PDZRN3: variants seen among roughly 807,000 people sequenced by gnomAD.
The protein encoded by PDZRN3 is E3 ubiquitin-protein ligase PDZRN3.
In PDZRN3, 38 loss-of-function variants were observed where a neutral mutation model predicts 85.7. The ratio of observed to expected loss-of-function variants is 0.44; its 90% CI spans 0.34 to 0.58. The LOEUF (loss-of-function observed/expected upper bound fraction) is 0.58. PDZRN3 is among the 20% of genes least tolerant of loss of function. The probability of loss-of-function intolerance (pLI) is 0.01; values close to 1 mark genes in which losing one functional copy is unlikely to be tolerated. For missense variants in PDZRN3, 1,629 were observed against 1,506.4 expected (o/e 1.08, Z -1.35); for synonymous variants, 759 against 638.0 (o/e 1.19, Z -2.86).
intron 3 of PDZRN3, among the ~76,000 whole-genome samples, chr3:73,559,117 T>C (rs968020857): frequency 2.0e-5 from 3 of 152,000 alleles, no homozygotes; most frequent in African/African-American, 7.3e-5. Context: ...TAACCACAAT[T>C]AGTGGGATGG....
intron 3 of PDZRN3, among the ~76,000 whole-genome samples, chr3:73,550,406 G>A (rs765931495): frequency 6.6e-6 from 1 of 152,122 alleles, no homozygotes; most frequent in Non-Finnish European, 1.5e-5. Flanking sequence ...TCACCTGGAG[G>A]GTTGTTTTTA....
At chr3:73,487,620 ACTTT>A (rs1348291790) in intron 3 of PDZRN3, among the ~76,000 whole-genome samples, 2 of 152,300 alleles carry the variant, frequency 1.3e-5, no homozygotes, top group African/African-American at 4.8e-5. Context: ...GCTAAAACTT[ACTTT>A]CTTTTTTTTC....
intron 3 of PDZRN3, among the ~76,000 whole-genome samples, chr3:73,590,284 A>G (rs1299716369): frequency 1.3e-5 from 2 of 151,424 alleles, no homozygotes; most frequent in Non-Finnish European, 2.9e-5. Flanking sequence ...AAAAAAAAAA[A>G]AAGAAAGAGA....
Position 73,384,453 on chromosome 3 carries a change from C to A in PDZRN3, c.2113G>T (p.Ala705Ser). Reference protein sequence around the residue: ...IELECLSIVRAHKMQQLKEQY... With the variant: ...IELECLSIVRSHKMQQLKEQY... ...TCCTTGAGCTGCTGCATCTTGTGGG[C>A]GCGCACGATGCTCAGGCACTCCAGC... The change falls in exon 10 of 10, where the codon GCC becomes TCC. Residue 705 changes from alanine to serine, a missense_variant. Physicochemically the swap from Ala to Ser is moderately conservative, Grantham distance 99. Transcript: ENST00000263666. 1 of 1,612,348 alleles carries A rather than the reference C, an allele frequency of 6.2e-7. No individual in the cohort carries two copies.
chr3:73,474,646 G>A, intron 3 of PDZRN3: 1 of 1,179,384 alleles, frequency 8.5e-7, no homozygotes, highest in Non-Finnish European at 1.1e-6. Context: ...GTTGTGGCAA[G>A]GGTGTACACT....
In PDZRN3 at chr3:73,383,525, T is replaced by C. The variant is rs1703302657; in HGVS notation, c.3041A>G (p.Glu1014Gly). Residue 1014 changes from glutamate to glycine, a missense_variant, in exon 10 of 10, where the codon GAG becomes GGG. Coordinates refer to ENST00000263666, the MANE Select transcript of PDZRN3 (RefSeq NM_015009.3). ...GTGGCTCAGTTCGAGAATGTTCATC[T>C]CCTTCCTGTCATCGGCTGCTTGCTG... ...KEQQAADDRK[E>G]MNILELSHKK... The C allele has an allele frequency of 3.1e-6, 5 of 1,614,094 alleles. No homozygotes were observed. Among genetic ancestry groups the C allele is most frequent in the Non-Finnish European group, 4.2e-6 (5 of 1,180,040 alleles).
At chr3:73,505,135 C>T (rs34210879) in intron 3 of PDZRN3, among the ~76,000 whole-genome samples, 38,906 of 151,992 alleles carry the variant, frequency 0.26, 5,304 homozygotes, top group Middle Eastern at 0.35. Context: ...TATGAGATTA[C>T]GAAGCTGAAG....
At chr3:73,566,458 C>G (rs573597784) in intron 3 of PDZRN3, among the ~76,000 whole-genome samples, 1 of 152,202 alleles carries the variant, frequency 6.6e-6, no homozygotes, top group African/African-American at 2.4e-5. Context: ...AACTCTGCAA[C>G]AAAAGAACCA....
chr3:73,428,256 G>A (rs1016108523), intron 3 of PDZRN3, among the ~76,000 whole-genome samples: 6 of 152,142 alleles, frequency 3.9e-5, no homozygotes, highest in Non-Finnish European at 8.8e-5. Context: ...TTGGTGGGTC[G>A]GGTGAACGTG....
At position 73,624,502 on chromosome 3, in the gene PDZRN3, C is replaced by T; in HGVS notation, c.324G>A (p.Ala108=). The stretch of plus-strand genomic sequence containing the variant: ...AACCCGCGTGGCGACAGCGCGCGGG[C>T]GCGAAGTCGCAGCGCTCGAGGTGCT... ...LPEHLERCDF[A]PARCRHAGCG... is the part of the protein sequence containing the mutation. Residue 108 remains alanine (A), a synonymous_variant, in exon 1 of 10, where the codon GCG becomes GCA. Coordinates refer to ENST00000263666, the MANE Select transcript of PDZRN3 (RefSeq NM_015009.3). 7.0e-7 allele frequency: 1 copy of T among 1,430,690 alleles called. No homozygotes were observed. Among genetic ancestry groups the T allele is most frequent in the African/African-American group, 1.5e-5 (1 of 66,934 alleles). The allele number at this position is 1,430,690 out of a possible 1,614,324, so 88.6% of individuals were successfully genotyped here. A position where few individuals can be genotyped will look rare whatever the true frequency, so the allele number is the denominator to read the frequency against.
chr3:73,417,849 T>G (rs1702123533), intron 3 of PDZRN3, among the ~76,000 whole-genome samples: 1 of 152,212 alleles, frequency 6.6e-6, no homozygotes, highest in Non-Finnish European at 1.5e-5. Context: ...CATTGAAATG[T>G]GCAATCACTG....
intron 4 of PDZRN3, 101 bp from the exon 5 acceptor site, chr3:73,401,110 G>A: frequency 1.2e-6 from 1 of 838,684 alleles, no homozygotes; most frequent in Non-Finnish European, 2.1e-6. Context: ...AATTCCCAGG[G>A]TGTGGGCCCT....
chr3:73,383,701 G>A lies in PDZRN3; in HGVS notation c.2865C>T (p.Ser955=). 12 of 1,611,298 alleles carry A rather than the reference G, an allele frequency of 7.4e-6. 1 individual carries two copies. Among genetic ancestry groups the A allele is most frequent in the South Asian group, 5.5e-5 (5 of 91,058 alleles). The stretch of plus-strand genomic sequence containing the variant: ...CCGCGTCGTCGTCGGTGGTCATGCC[G>A]CTGCGCTCTTCCCGGATCTTCAGGG... ...ERALKIREER[S]GMTTDDDAVS... Residue 955 remains serine, a synonymous_variant, in exon 10 of 10, where the codon AGC becomes AGT. Coordinates refer to ENST00000263666, the MANE Select transcript of PDZRN3 (RefSeq NM_015009.3).
intron 8 of PDZRN3, among the ~76,000 whole-genome samples, chr3:73,387,516 A>G (rs879827971): frequency 2.0e-5 from 3 of 152,246 alleles, no homozygotes; most frequent in Non-Finnish European, 4.4e-5. Flanking sequence ...CGGAGGGCCT[A>G]GCACTTATTC....
intron 3 of PDZRN3, among the ~76,000 whole-genome samples, chr3:73,511,514 CCTT>C (rs1033031127): frequency 6.6e-5 from 10 of 152,100 alleles, no homozygotes; most frequent in African/African-American, 2.2e-4. Flanking sequence ...CAAGCTTTTC[CCTT>C]CTTATTTTCT....
intron 3 of PDZRN3, among the ~76,000 whole-genome samples, chr3:73,538,571 T>G (rs1313889230): frequency 6.6e-6 from 1 of 152,238 alleles, no homozygotes; most frequent in South Asian, 2.1e-4. Context: ...GTATTTATTA[T>G]GTCGAGCTCT....
intron 3 of PDZRN3, chr3:73,433,783 T>TTTC (rs1413788461): frequency 6.6e-7 from 1 of 1,524,556 alleles, no homozygotes; most frequent in Non-Finnish European, 8.8e-7. Context: ...AGTGCAGGCA[T>TTTC]TGAAGGTATC....
intron 3 of PDZRN3, among the ~76,000 whole-genome samples, chr3:73,503,772 T>G (rs1041885386): frequency 1.3e-5 from 2 of 152,222 alleles, no homozygotes; most frequent in Non-Finnish European, 2.9e-5. Context: ...TGAACTTTTT[T>G]GGGGCAGAAA....
intron 3 of PDZRN3, among the ~76,000 whole-genome samples, chr3:73,527,411 T>C (rs1002193698): frequency 2.6e-5 from 4 of 152,196 alleles, no homozygotes; most frequent in Non-Finnish European, 1.5e-5. Flanking sequence ...CTTGCATTCA[T>C]AGTAAAGGGC....
Sources: gnomAD v4.1 joint callset for allele counts (sites outside exome capture counted in the v4.1 genomes callset) on GRCh38, gnomAD v4.1.1 for gene constraint, MANE v1.5 for transcripts, NCBI Gene and HGNC (gene_info 2026-07-23, HGNC 2026-07-21) for gene names.